The following TMEM266 variants were observed in gnomAD, a reference collection of about 807,000 sequenced individuals.
The protein encoded by TMEM266 is transmembrane protein 266.
Under a neutral mutation model 50.5 loss-of-function variants are expected in TMEM266, and 33 were observed. The observed-to-expected ratio is 0.65, with a 90% CI of 0.50 to 0.87. The LOEUF (loss-of-function observed/expected upper bound fraction) is 0.87, where lower values mean the gene tolerates loss of function less well. Ranked by LOEUF, TMEM266 falls within the 40% of genes least tolerant of loss-of-function variation. TMEM266 has a pLI of 0.00. For synonymous variants in TMEM266, 310 were observed against 292.3 expected (o/e 1.06, Z -0.62); for missense variants, 655 against 695.1 (o/e 0.94, Z 0.65).
At chr15:76,202,831 A>G (rs1687355036) in intron 10 of TMEM266, among the ~76,000 whole-genome samples, 1 of 152,076 alleles carries the variant, frequency 6.6e-6, no homozygotes, top group African/African-American at 2.4e-5. Flanking sequence ...TGAATTTCGC[A>G]GCCCCCAAAA....
intron 9 of TMEM266, among the ~76,000 whole-genome samples, chr15:76,194,692 C>T (rs1220618094): frequency 6.6e-6 from 1 of 152,208 alleles, no homozygotes; most frequent in Non-Finnish European, 1.5e-5. Flanking sequence ...CAATCCTTGG[C>T]ATCCATGGCT....
At chr15:76,181,397 G>A (rs1009371182) in intron 8 of TMEM266, 1 of 152,192 alleles carries the variant, frequency 6.6e-6, no homozygotes, top group African/African-American at 2.4e-5. Flanking sequence ...ATCCCGGGAG[G>A]GGAGGAGGTC....
chr15:76,191,952 C>T lies in TMEM266; in HGVS notation c.769-16C>T. On this transcript the variant is annotated splice_polypyrimidine_tract_variant and intron_variant, in intron 8 of 10. Coordinates refer to ENST00000388942, the MANE Select transcript of TMEM266 (RefSeq NM_152335.3). ...CCCCTCGCCGCTGATTCAGCCTTGC[C>T]CGTCTCCCTCCGCAGTTTGAGATCC... 2 of 1,572,868 alleles carry T rather than the reference C, an allele frequency of 1.3e-6. No individual in the cohort carries two copies. Among genetic ancestry groups the T allele is most frequent in the Non-Finnish European group, 1.7e-6 (2 of 1,165,774 alleles).
intron 8 of TMEM266, among the ~76,000 whole-genome samples, chr15:76,188,696 C>T (rs1429329902): frequency 6.6e-6 from 1 of 152,184 alleles, no homozygotes; most frequent in East Asian, 1.9e-4. Context: ...CCCCAAGATT[C>T]AATCACCTCC....
rs74905863 is a variant in TMEM266 at position 76,064,746 on chromosome 15, A to C, written c.-97+4730A>C. On this transcript the variant is annotated intron_variant, in intron 1 of 10. Transcript: ENST00000388942. ...TCCTATTCCCAGAACTCATTAAAACAAGGAATTTTAATAAGTATTTTTGCC... is the reference window on the plus strand; with the variant it reads ...TCCTATTCCCAGAACTCATTAAAACCAGGAATTTTAATAAGTATTTTTGCC... 2.5e-3 allele frequency among the ~76,000 whole-genome samples: 385 copies of C among 152,348 alleles called. 3 individuals carry two copies. The highest frequency in any genetic ancestry group is 8.9e-3 in the African/African-American group (369 of 41,578).
At chr15:76,087,082 T>G (rs973241797) in intron 1 of TMEM266, among the ~76,000 whole-genome samples, 5 of 152,136 alleles carry the variant, frequency 3.3e-5, no homozygotes, top group African/African-American at 1.2e-4. Context: ...TGCCTCATCT[T>G]GATTGGGTTG....
intron 3 of TMEM266, among the ~76,000 whole-genome samples, chr15:76,142,392 A>G (rs1347034924): frequency 6.6e-6 from 1 of 152,216 alleles, no homozygotes; most frequent in Non-Finnish European, 1.5e-5. Context: ...ACTCCGTCTC[A>G]AAATAATAAT....
rs79155200 is a variant in TMEM266 at position 76,081,308 on chromosome 15, G to A, written c.-97+21292G>A. 2.7e-3 allele frequency among the ~76,000 whole-genome samples: 416 copies of A among 152,270 alleles called. 1 individual carries two copies. Among genetic ancestry groups the A allele is most frequent in the Middle Eastern group, 6.8e-3 (2 of 294 alleles). On this transcript the variant is annotated intron_variant, in intron 1 of 10. Transcript: ENST00000388942. ...TCTGGTATTCCTTTCTTATCCTTCC[G>A]TTTCCAATAAGAGGATAATGTGTTC...
chr15:76,082,970 A>AAACAAC lies in TMEM266; in HGVS notation c.-97+22976_-97+22981dup, dbSNP rs35634458. Among the ~76,000 whole-genome samples the AAACAAC allele has an allele frequency of 3.4e-3, 506 of 150,196 alleles. 5 individuals are homozygous for AAACAAC. The highest frequency in any genetic ancestry group is 0.011 in the African/African-American group (432 of 40,976). ...GGCGACAGAGCAAGACTCTGTCTAA[A>AAACAAC]AACAACAACAACAACAACAACAACA... On this transcript the variant is annotated intron_variant, in intron 1 of 10. Transcript: ENST00000388942.
intron 1 of TMEM266, chr15:76,113,616 A>T (rs2142013281): frequency 6.6e-6 from 1 of 152,570 alleles, no homozygotes; most frequent in Admixed American, 6.5e-5. Context: ...AGCGTATAGG[A>T]TGTGCCTGAA....
chr15:76,150,619 C>T (rs2037825113), intron 3 of TMEM266, among the ~76,000 whole-genome samples: 3 of 152,222 alleles, frequency 2.0e-5, no homozygotes, highest in African/African-American at 7.2e-5. Context: ...GACAGCCTGG[C>T]AGCCACTGCA....
intron 9 of TMEM266, among the ~76,000 whole-genome samples, chr15:76,201,595 C>T (rs2038749149): frequency 6.6e-6 from 1 of 152,160 alleles, no homozygotes. Flanking sequence ...TTTCACCTCC[C>T]TTTCTGTTAT....
At chr15:76,193,876 C>T (rs1432928257) in intron 9 of TMEM266, among the ~76,000 whole-genome samples, 1 of 152,252 alleles carries the variant, frequency 6.6e-6, no homozygotes, top group South Asian at 2.1e-4. Flanking sequence ...AGCCAATCTT[C>T]GGGGACGTGC....
At chr15:76,198,506 C>T (rs961797689) in intron 9 of TMEM266, among the ~76,000 whole-genome samples, 2 of 152,234 alleles carry the variant, frequency 1.3e-5, no homozygotes, top group Non-Finnish European at 2.9e-5. Context: ...CCAGATCCCC[C>T]AGTCTCTCTG....
At chr15:76,093,138 C>CT (rs772389309) in intron 1 of TMEM266, among the ~76,000 whole-genome samples, 7 of 151,066 alleles carry the variant, frequency 4.6e-5, no homozygotes, top group South Asian at 4.2e-4. Flanking sequence ...TTTATTTATT[C>CT]TTTTTTTTAT....
chr15:76,096,961 T>G (rs2955744), intron 1 of TMEM266, among the ~76,000 whole-genome samples: 110,268 of 137,204 alleles, frequency 0.8, 44,334 homozygotes, highest in Admixed American at 0.85. Flanking sequence ...CTTTCCATTT[T>G]CCTGGTAAAT....
At chr15:76,192,355 C>G (rs8037725) in intron 9 of TMEM266, among the ~76,000 whole-genome samples, 198 bp downstream of exon 9, 5,933 of 140,726 alleles carry the variant, frequency 0.042, 355 homozygotes, top group African/African-American at 0.16. Flanking sequence ...AGCATGTAGT[C>G]CAGCCACCGA....
intron 8 of TMEM266, among the ~76,000 whole-genome samples, chr15:76,190,661 A>G (rs987329965): frequency 1.3e-5 from 2 of 152,232 alleles, no homozygotes; most frequent in South Asian, 2.1e-4. Context: ...CTAAAATGAG[A>G]TAAAAACACT....
chr15:76,176,916 T>C (rs1278194028), intron 8 of TMEM266, among the ~76,000 whole-genome samples: 1 of 152,214 alleles, frequency 6.6e-6, no homozygotes, highest in Non-Finnish European at 1.5e-5. Flanking sequence ...GTCTGGTGCA[T>C]AAACACCCCG....
Sources: allele counts gnomAD v4.1 joint callset (sites outside exome capture counted in the v4.1 genomes callset), GRCh38; gene constraint gnomAD v4.1.1; transcripts MANE v1.5; gene names NCBI Gene and HGNC (gene_info 2026-07-23, HGNC 2026-07-21).